The following ZNF277 variants were observed in gnomAD, a reference collection of about 807,000 sequenced individuals.
ZNF277 encodes the protein nuclear receptor-interacting factor 4.
Under a neutral mutation model 60.7 loss-of-function variants are expected in ZNF277, and 55 were observed. The observed-to-expected ratio is 0.91, with a 90% CI of 0.73 to 1.13. ZNF277 has a LOEUF of 1.13. ZNF277 is among the 50% of genes most tolerant of loss of function. The pLI, the probability that ZNF277 is intolerant of heterozygous loss-of-function variation, is 0.00. For synonymous variants in ZNF277, 178 were observed against 179.3 expected (o/e 0.99, Z 0.06); for missense variants, 510 against 523.0 (o/e 0.98, Z 0.24).
chr7:112,323,540 G>A (rs2117119949), intron 5 of ZNF277, among the ~76,000 whole-genome samples: 1 of 152,310 alleles, frequency 6.6e-6, no homozygotes, highest in East Asian at 1.9e-4. Context: ...GCCCCTTCCA[G>A]TGGCTGTGAG....
At chr7:112,262,522 C>T (rs931975103) in intron 1 of ZNF277, among the ~76,000 whole-genome samples, 1 of 151,942 alleles carries the variant, frequency 6.6e-6, no homozygotes, top group East Asian at 1.9e-4. Flanking sequence ...ACACGGTTTA[C>T]ATGATTTATT....
chr7:112,211,210 T>C (rs1439458201), intron 1 of ZNF277, among the ~76,000 whole-genome samples: 1 of 152,216 alleles, frequency 6.6e-6, no homozygotes, highest in Non-Finnish European at 1.5e-5. Context: ...AACTCCTCAT[T>C]CTTGTATTTC....
chr7:112,269,030 T>G (rs942297741), intron 1 of ZNF277, among the ~76,000 whole-genome samples: 3 of 152,180 alleles, frequency 2.0e-5, no homozygotes, highest in Admixed American at 6.5e-5. Context: ...TTATCTGGCA[T>G]TAATATGATA....
chr7:112,283,523 A>G (rs570069749), intron 1 of ZNF277, among the ~76,000 whole-genome samples: 1 of 152,294 alleles, frequency 6.6e-6, no homozygotes, highest in East Asian at 1.9e-4. Context: ...ACTCTGTTAC[A>G]TACTAACTCA....
chr7:112,300,401 G>T (rs1045989670), intron 4 of ZNF277, among the ~76,000 whole-genome samples: 1 of 152,168 alleles, frequency 6.6e-6, no homozygotes, highest in South Asian at 2.1e-4. Flanking sequence ...AAATTCTCCC[G>T]TGATCTTGGT....
At chr7:112,210,910 T>C (rs1221718337) in intron 1 of ZNF277, among the ~76,000 whole-genome samples, 1 of 152,238 alleles carries the variant, frequency 6.6e-6, no homozygotes, top group Non-Finnish European at 1.5e-5. Flanking sequence ...TTTGTTCTTT[T>C]GCTGTTTTTA....
intron 5 of ZNF277, among the ~76,000 whole-genome samples, chr7:112,318,773 A>G (rs1317312847): frequency 6.6e-6 from 1 of 152,066 alleles, no homozygotes; most frequent in Non-Finnish European, 1.5e-5. Flanking sequence ...CACAGGCTCA[A>G]ACAAGACTGC....
chr7:112,297,242 C>T (rs574855211), intron 4 of ZNF277, among the ~76,000 whole-genome samples: 3 of 151,836 alleles, frequency 2.0e-5, no homozygotes, highest in African/African-American at 4.8e-5. Flanking sequence ...TTTTTATTTT[C>T]GTAAGTTAAT....
At chr7:112,249,906 A>C (rs1002219981) in intron 1 of ZNF277, among the ~76,000 whole-genome samples, 1 of 152,122 alleles carries the variant, frequency 6.6e-6, no homozygotes, top group African/African-American at 2.4e-5. Context: ...TAACTGCACA[A>C]ATTGTACAGC....
At chr7:112,272,385 A>AGGAGT (rs113202574) in intron 1 of ZNF277, among the ~76,000 whole-genome samples, 30,208 of 152,094 alleles carry the variant, frequency 0.2, 3,349 homozygotes, top group African/African-American at 0.31. Flanking sequence ...TGCAACAAAC[A>AGGAGT]GCAGATATCT....
Position 112,241,912 on chromosome 7 carries a change from A to G in ZNF277, c.91+35105A>G, listed in dbSNP as rs576487381. Among the ~76,000 whole-genome samples, 33 of 152,242 alleles carry G rather than the reference A, an allele frequency of 2.2e-4. No individual in the cohort carries two copies. The South Asian group carries it at 6.6e-3, about 31-fold the overall frequency. On this transcript the variant is annotated intron_variant, in intron 1 of 11. Coordinates refer to ENST00000361822, the MANE Select transcript of ZNF277 (RefSeq NM_021994.3). ...AAAGAGTACAAAAATATAGTCAGAT[A>G]GAGTGAATAAGATCTAGTGTTTAAT...
At chr7:112,324,417 TC>T (rs1348065195) in intron 5 of ZNF277, among the ~76,000 whole-genome samples, 4 of 152,180 alleles carry the variant, frequency 2.6e-5, no homozygotes, top group Non-Finnish European at 5.9e-5. Context: ...GCATTTAATT[TC>T]CCATAAATTA....
At chr7:112,312,216 G>GA (rs796180812) in intron 4 of ZNF277, among the ~76,000 whole-genome samples, 1 of 151,604 alleles carries the variant, frequency 6.6e-6, no homozygotes, top group Non-Finnish European at 1.5e-5. Context: ...TATTAGTTTG[G>GA]AAAAAAAAAT....
At chr7:112,294,716 C>T (rs1395540516) in intron 2 of ZNF277, among the ~76,000 whole-genome samples, 2 of 152,090 alleles carry the variant, frequency 1.3e-5, no homozygotes, top group Non-Finnish European at 2.9e-5. Context: ...TCCCAGACCT[C>T]TCTCCAGCAC....
intron 2 of ZNF277, among the ~76,000 whole-genome samples, chr7:112,294,864 A>T (rs751642986): frequency 1.3e-5 from 2 of 152,232 alleles, no homozygotes; most frequent in Non-Finnish European, 2.9e-5. Flanking sequence ...AGGAATCTTC[A>T]AATTCTCTAC....
At chr7:112,240,749 T>C (rs751016707) in intron 1 of ZNF277, among the ~76,000 whole-genome samples, 3 of 152,186 alleles carry the variant, frequency 2.0e-5, no homozygotes, top group Non-Finnish European at 4.4e-5. Flanking sequence ...AAAACATACA[T>C]TGTAGAAAGG....
chr7:112,273,577 T>G (rs949643972), intron 1 of ZNF277, among the ~76,000 whole-genome samples: 2 of 152,164 alleles, frequency 1.3e-5, no homozygotes, highest in African/African-American at 4.8e-5. Context: ...GTGTGGATAG[T>G]TTTTCAATTT....
chr7:112,307,062 C>T (rs1356388510), intron 4 of ZNF277, among the ~76,000 whole-genome samples: 6 of 152,058 alleles, frequency 3.9e-5, no homozygotes, highest in Non-Finnish European at 8.8e-5. Flanking sequence ...CTCCCAGCAG[C>T]TTATGGCCTT....
chr7:112,277,373 C>T (rs57397677), intron 1 of ZNF277, among the ~76,000 whole-genome samples: 4,286 of 152,232 alleles, frequency 0.028, 212 homozygotes, highest in African/African-American at 0.099. Context: ...TGAGCCACCA[C>T]GCCTGGCCAA....
Sources: allele counts gnomAD v4.1 joint callset (sites outside exome capture counted in the v4.1 genomes callset), GRCh38; gene constraint gnomAD v4.1.1; transcripts MANE v1.5; gene names NCBI Gene and HGNC (gene_info 2026-07-23, HGNC 2026-07-21).